The following GARNL3 variants were observed in gnomAD, a reference collection of about 807,000 sequenced individuals.
GARNL3 encodes GTPase activating Rap/RanGAP domain like 3, also known as GTPase-activating Rap/Ran-GAP domain-like protein 3.
A neutral mutation model predicts 125.0 loss-of-function variants in GARNL3; 63 were observed. The observed-to-expected ratio is 0.50, with a 90% CI of 0.41 to 0.62. The LOEUF is 0.62. Ranked by LOEUF, GARNL3 falls within the 20% of genes least tolerant of loss-of-function variation. The pLI is 0.00. For missense variants in GARNL3, 994 were observed against 1,244.0 expected (o/e 0.80, Z 3.02); for synonymous variants, 439 against 457.5 (o/e 0.96, Z 0.52).
intron 21 of GARNL3, among the ~76,000 whole-genome samples, chr9:127,361,001 A>G (rs919521833): frequency 6.6e-6 from 1 of 152,224 alleles, no homozygotes; most frequent in Non-Finnish European, 1.5e-5. Flanking sequence ...TCTAGGGGGA[A>G]CTGCAGGCAT....
At chr9:127,359,133 A>T (rs988991638) in intron 21 of GARNL3, among the ~76,000 whole-genome samples, 11 of 142,532 alleles carry the variant, frequency 7.7e-5, no homozygotes, top group African/African-American at 2.8e-4. Flanking sequence ...GCATCCCTGG[A>T]CCAGCATGTC....
At chr9:127,247,326 G>C (rs551001942) in intron 2 of GARNL3, among the ~76,000 whole-genome samples, 2 of 152,226 alleles carry the variant, frequency 1.3e-5, no homozygotes, top group East Asian at 3.9e-4. Flanking sequence ...AATTAGCTTA[G>C]GCCAAAAAGA....
intron 1 of GARNL3, among the ~76,000 whole-genome samples, chr9:127,265,881 G>T (rs763084309): frequency 4.6e-5 from 7 of 152,152 alleles, no homozygotes; most frequent in Non-Finnish European, 1.0e-4. Flanking sequence ...GCGGAGTTGT[G>T]TACCAGTGGC....
intron 1 of GARNL3, among the ~76,000 whole-genome samples, chr9:127,269,999 A>C (rs1455795437): frequency 6.6e-6 from 1 of 152,124 alleles, no homozygotes; most frequent in Non-Finnish European, 1.5e-5. Flanking sequence ...ATATCCAAGA[A>C]ATTATTGCTA....
intron 16 of GARNL3, among the ~76,000 whole-genome samples, chr9:127,348,107 T>G (rs761517508): frequency 2.0e-5 from 3 of 152,166 alleles, no homozygotes; most frequent in Non-Finnish European, 4.4e-5. Context: ...GATGCCTGAT[T>G]GAGAGTAAAA....
rs2063672549 is a variant in GARNL3 at position 127,265,018 on chromosome 9, G to A, written c.141G>A (p.Glu47=). The change falls in exon 1 of 28, where the codon GAG becomes GAA. Residue 47 remains glutamate (E), a synonymous_variant. Transcript: ENST00000373387. The stretch of plus-strand genomic sequence containing the variant: ...GTAGGAAACATTATGGATCTGTGGA[G>A]CTGGTAAGTTTATGCTGTCTGTTCA... ...DFSRKHYGSV[E]LLISSDADGA... 1.2e-6 allele frequency: 2 copies of A among 1,611,838 alleles called. No individual in the cohort carries two copies. The highest frequency in any genetic ancestry group is 1.7e-6 in the Non-Finnish European group (2 of 1,178,674).
At chr9:127,256,562 C>CA (rs1247713947) in intron 2 of GARNL3, among the ~76,000 whole-genome samples, 2 of 152,190 alleles carry the variant, frequency 1.3e-5, no homozygotes, top group African/African-American at 2.4e-5. Context: ...GCAGGGACCG[C>CA]ATATCTCAGG....
intron 1 of GARNL3, among the ~76,000 whole-genome samples, chr9:127,236,617 A>G (rs1418798736): frequency 2.6e-5 from 4 of 152,186 alleles, no homozygotes; most frequent in African/African-American, 9.7e-5. Flanking sequence ...TTTGTAGACA[A>G]GGTCTCACTA....
intron 24 of GARNL3, 150 bp from the exon 25 acceptor site, chr9:127,387,043 T>TC: frequency 1.5e-6 from 1 of 689,440 alleles, no homozygotes; most frequent in Non-Finnish European, 2.3e-6. Flanking sequence ...TCCAGAAGGC[T>TC]CTCTCCATCC....
chr9:127,228,853 T>C (rs1333966556), intron 1 of GARNL3, among the ~76,000 whole-genome samples: 1 of 152,222 alleles, frequency 6.6e-6, no homozygotes, highest in Non-Finnish European at 1.5e-5. Context: ...AGGCAGAGTC[T>C]TGCTCTGTCA....
At chr9:127,388,878 A>G in intron 25 of GARNL3, 26 bp from the exon 26 acceptor site, 2 of 1,321,154 alleles carry the variant, frequency 1.5e-6, no homozygotes, top group Non-Finnish European at 2.2e-6. Context: ...TAAAGTTCTG[A>G]TGTTCTTTTT....
intron 5 of GARNL3, among the ~76,000 whole-genome samples, chr9:127,319,861 A>T (rs1046095064): frequency 1.3e-5 from 2 of 152,234 alleles, no homozygotes; most frequent in African/African-American, 4.8e-5. Flanking sequence ...TTTATGAGCA[A>T]GTCTTAGCTT....
intron 22 of GARNL3, among the ~76,000 whole-genome samples, chr9:127,378,432 T>TA (rs1832052320): frequency 6.6e-6 from 1 of 151,486 alleles, no homozygotes; most frequent in Admixed American, 6.6e-5. Context: ...ACTAAAAATA[T>TA]AAAAATCAAC....
Position 127,374,954 on chromosome 9 carries a change from A to G in GARNL3, c.2162-8484A>G, listed in dbSNP as rs138216066. On this transcript the variant is annotated intron_variant, in intron 22 of 27. Transcript: ENST00000373387. ...CAAAGAAAAACTTTTTTAAAAAACT[A>G]TAATGAGATACCACCACACAACTAT... is the stretch of plus-strand genomic sequence containing the variant. Among the ~76,000 whole-genome samples the G allele has an allele frequency of 6.0e-3, 920 of 152,104 alleles. 6 individuals are homozygous for G. Among genetic ancestry groups the G allele is most frequent in the African/African-American group, 0.02 (846 of 41,498 alleles).
chr9:127,358,038 A>G (rs1301817439), intron 21 of GARNL3, among the ~76,000 whole-genome samples: 1 of 151,372 alleles, frequency 6.6e-6, no homozygotes, highest in Non-Finnish European at 1.5e-5. Context: ...TTGCCCTGAG[A>G]GTCTACACCC....
At chr9:127,274,965 G>T (rs1027367736) in intron 1 of GARNL3, among the ~76,000 whole-genome samples, 1 of 152,060 alleles carries the variant, frequency 6.6e-6, no homozygotes, top group Non-Finnish European at 1.5e-5. Context: ...ACTTGTACCA[G>T]ATCATTCTCT....
Position 127,333,092 on chromosome 9 carries a change from C to G in GARNL3, c.740C>G (p.Thr247Arg). 1 of 1,613,952 alleles carries G rather than the reference C, an allele frequency of 6.2e-7. No individual in the cohort carries two copies. The highest frequency in any genetic ancestry group is 1.3e-5 in the African/African-American group (1 of 75,042). Residue 247 changes from threonine (T) to arginine (R), a missense_variant, in exon 9 of 28, where the codon ACG (threonine) becomes AGG (arginine). Around this residue, in one of 5 missense-constraint regions of GARNL3, gnomAD observed 71 missense variants for 66.2 expected, o/e 1.07. Coordinates refer to ENST00000373387, the MANE Select transcript of GARNL3 (RefSeq NM_032293.5). Reference protein sequence around the residue: ...LGDTITLKGWTGYRGGLDTKN... With the variant: ...LGDTITLKGWRGYRGGLDTKN... ...GACACAATCACTCTAAAGGGCTGGA[C>G]GGGCTACCGTGGCGGTCTGGATACC... is the stretch of plus-strand genomic sequence containing the variant.
intron 1 of GARNL3, among the ~76,000 whole-genome samples, chr9:127,284,713 C>CT (rs951195014): frequency 7.0e-6 from 1 of 143,522 alleles, no homozygotes; most frequent in Non-Finnish European, 1.5e-5. Context: ...TGAATAGTAT[C>CT]TAATTTTACT....
At chr9:127,304,375 T>C (rs2064887258) in intron 2 of GARNL3, among the ~76,000 whole-genome samples, 5 of 151,744 alleles carry the variant, frequency 3.3e-5, no homozygotes, top group African/African-American at 1.2e-4. Flanking sequence ...CTAATAGGAG[T>C]TTAAATTGGT....
Sources: allele counts gnomAD v4.1 joint callset (sites outside exome capture counted in the v4.1 genomes callset), GRCh38; gene constraint gnomAD v4.1.1; regional missense constraint gnomAD v4.1.1; transcripts MANE v1.5; gene names NCBI Gene and HGNC (gene_info 2026-07-23, HGNC 2026-07-21).